Variants in CPAMD8 observed in about 807,000 individuals in gnomAD.
CPAMD8 encodes C3 and PZP like alpha-2-macroglobulin domain containing 8, also known as C3 and PZP-like alpha-2-macroglobulin domain-containing protein 8.
A neutral mutation model predicts 224.7 loss-of-function variants in CPAMD8; 146 were observed. The observed-to-expected ratio is 0.65, with a 90% CI of 0.57 to 0.75. CPAMD8 has a LOEUF of 0.75. CPAMD8 is among the 30% of genes least tolerant of loss of function. The pLI, the probability that CPAMD8 is intolerant of heterozygous loss-of-function variation, is 0.00. For synonymous variants in CPAMD8, 966 were observed against 1,044.6 expected (o/e 0.92, Z 1.45); for missense variants, 2,301 against 2,537.5 (o/e 0.91, Z 2.00).
At chr19:16,906,895 G>A in intron 30 of CPAMD8, 57 bp downstream of exon 30, 1 of 1,483,816 alleles carries the variant, frequency 6.7e-7, no homozygotes. Context: ...TTGTTTACCA[G>A]ACTCCACAGT....
In CPAMD8 at chr19:16,937,766, C is replaced by T. The variant is rs148229262; in HGVS notation, c.2845+629G>A. Among the ~76,000 whole-genome samples the T allele has an allele frequency of 1.4e-3, 215 of 151,664 alleles. 2 individuals carry two copies. The highest frequency in any genetic ancestry group is 6.8e-3 in the Middle Eastern group (2 of 294). On this transcript the variant is annotated intron_variant, in intron 23 of 41. Transcript: ENST00000443236. ...CTCCCCGGTTCAAGTGATTCTCCTG[C>T]CTCAGCCTCCTGAGCAGCTGGGATT... is the stretch of plus-strand genomic sequence containing the variant.
intron 8 of CPAMD8, 144 bp from the exon 9 acceptor site, chr19:17,002,494 G>A (rs2056360392): frequency 1.7e-6 from 1 of 575,108 alleles, no homozygotes; most frequent in Non-Finnish European, 3.2e-6. Flanking sequence ...CCACTCTGCT[G>A]AGCAGCCCTG....
intron 41 of CPAMD8, chr19:16,894,764 G>A (rs1039934784): frequency 2.9e-5 from 8 of 271,934 alleles, no homozygotes; most frequent in Admixed American, 8.2e-5. Flanking sequence ...ACTCCAGGCC[G>A]GGCACAGTGG....
intron 8 of CPAMD8, among the ~76,000 whole-genome samples, chr19:17,003,439 C>T (rs2056394452): frequency 6.6e-6 from 1 of 151,762 alleles, no homozygotes; most frequent in Non-Finnish European, 1.5e-5. Flanking sequence ...CTCAAGCGAT[C>T]CTCCAGCCTC....
At position 16,993,468 on chromosome 19, in the gene CPAMD8, A is replaced by C. The variant is rs1210629049; in HGVS notation, c.1214T>G (p.Val405Gly). Reference protein sequence around the residue: ...TSEVVSQRGLVGFEIPSIPTS... With the variant: ...TSEVVSQRGLGGFEIPSIPTS... The stretch of plus-strand genomic sequence containing the variant: ...GGGGATGGAGGGGATTTCAAACCCC[A>C]CTAGTCCACGCTGGGACACAACTTC... Residue 405 changes from valine (V) to glycine (G), a missense_variant, in exon 12 of 42, where the codon GTG (valine) becomes GGG (glycine). Val to Gly is a moderately radical substitution (Grantham distance 109). Coordinates refer to ENST00000443236, the MANE Select transcript of CPAMD8 (RefSeq NM_015692.5). The C allele has an allele frequency of 1.9e-6, 3 of 1,613,788 alleles. No individual in the cohort carries two copies. The highest frequency in any genetic ancestry group is 1.3e-5 in the African/African-American group (1 of 74,932).
chr19:16,948,868 A>AAAGGGAAGGGAAGGG (rs764171792), intron 20 of CPAMD8, among the ~76,000 whole-genome samples: 13 of 29,086 alleles, frequency 4.5e-4, no homozygotes, highest in Non-Finnish European at 7.2e-4. Flanking sequence ...GAGGGAAAGG[A>AAAGGGAAGGGAAGGG]AAGGGAAGGG....
chr19:16,896,339 G>A lies in CPAMD8; in HGVS notation c.5276-13C>T, dbSNP rs188097675. On this transcript the variant is annotated splice_polypyrimidine_tract_variant and intron_variant, in intron 40 of 41. Transcript: ENST00000443236. ...GGCAGCCGCTGCTCTGGAAGGAAGG[G>A]GGCCTCGGTCGGGAGGGCGTGGCGG... 1.0e-3 allele frequency: 1,611 copies of A among 1,595,808 alleles called. 22 individuals carry two copies. In the African/African-American group the frequency reaches 0.02, roughly 20 times the overall value.
In CPAMD8 at chr19:16,896,259, A is replaced by C; in HGVS notation, c.5343T>G (p.Pro1781=). ...CATTCAGCTTCACGTCCTGCTGTAA[A>C]GGCCCCGGGGCCACAGAAGCCAGGT... ...GDDLASVAPG[P]LQQDVKLNGA... Residue 1781 remains proline (P), a synonymous_variant, in exon 41 of 42, where the codon CCT becomes CCG. Coordinates refer to ENST00000443236, the MANE Select transcript of CPAMD8 (RefSeq NM_015692.5). The C allele has an allele frequency of 6.2e-7, 1 of 1,613,370 alleles. No homozygotes were observed. Among genetic ancestry groups the C allele is most frequent in the African/African-American group, 1.3e-5 (1 of 74,952 alleles).
At chr19:16,895,180 CG>C (rs1249665767) in intron 41 of CPAMD8, 2 of 152,484 alleles carry the variant, frequency 1.3e-5, no homozygotes, top group Non-Finnish European at 2.9e-5. Flanking sequence ...GAGGCCAACG[CG>C]GGTGGATCAC....
intron 7 of CPAMD8, among the ~76,000 whole-genome samples, chr19:17,006,702 T>G (rs1010999702): frequency 6.6e-6 from 1 of 152,058 alleles, no homozygotes; most frequent in Non-Finnish European, 1.5e-5. Context: ...GCCTGGGAGA[T>G]GCTTCCTGGC....
intron 20 of CPAMD8, 76 bp downstream of exon 20, chr19:16,951,893 G>T: frequency 1.1e-6 from 1 of 926,236 alleles, no homozygotes; most frequent in Non-Finnish European, 1.7e-6. Flanking sequence ...TCCCACCCCT[G>T]CCTACCTTAT....
chr19:16,970,263 A>G (rs542289491), intron 18 of CPAMD8, among the ~76,000 whole-genome samples: 12 of 149,224 alleles, frequency 8.0e-5, no homozygotes, highest in Non-Finnish European at 8.9e-5. Context: ...AAAAGAAAGA[A>G]AGAGAGAAAG....
intron 13 of CPAMD8, among the ~76,000 whole-genome samples, chr19:16,984,096 T>C (rs1406882168): frequency 6.6e-6 from 1 of 152,002 alleles, no homozygotes; most frequent in Non-Finnish European, 1.5e-5. Context: ...GACCATTCAA[T>C]GGGGAAAGCA....
Position 16,945,619 on chromosome 19 carries a change from G to A in CPAMD8, c.2723C>T (p.Pro908Leu), listed in dbSNP as rs750284657. The A allele has an allele frequency of 8.1e-6, 13 of 1,614,088 alleles. No individual in the cohort carries two copies. The highest frequency in any genetic ancestry group is 1.1e-5 in the Non-Finnish European group (13 of 1,180,030). ...CCRDGRSSKH[P>L]EENHADRRVP... The stretch of plus-strand genomic sequence containing the variant: ...CCTCCTGTCGGCGTGATTCTCCTCA[G>A]GGTGTTTGCTGGACCTCCCATCCCG... Residue 908 changes from proline to leucine, a missense_variant, in exon 22 of 42, where the codon CCT (proline) becomes CTT (leucine). By Grantham distance (98) the Pro-to-Leu change is moderately conservative. Coordinates refer to ENST00000443236, the MANE Select transcript of CPAMD8 (RefSeq NM_015692.5).
chr19:16,947,773 C>T (rs1010618170), intron 20 of CPAMD8, among the ~76,000 whole-genome samples: 1 of 152,034 alleles, frequency 6.6e-6, no homozygotes, highest in Non-Finnish European at 1.5e-5. Flanking sequence ...TACACATGTG[C>T]ATGCATGCAT....
chr19:17,008,465 T>A, intron 7 of CPAMD8, 40 bp downstream of exon 7: 1 of 1,609,914 alleles, frequency 6.2e-7, no homozygotes, highest in Non-Finnish European at 8.5e-7. Context: ...GGAAGGTTTA[T>A]CACATCTGCA....
At chr19:16,990,745 C>T (rs941558724) in intron 12 of CPAMD8, among the ~76,000 whole-genome samples, 2 of 151,294 alleles carry the variant, frequency 1.3e-5, no homozygotes, top group African/African-American at 4.9e-5. Flanking sequence ...CAACTGTAGT[C>T]CCAGCTACTT....
chr19:16,974,990 A>G, intron 17 of CPAMD8, 107 bp downstream of exon 17: 1 of 1,411,928 alleles, frequency 7.1e-7, no homozygotes, highest in Non-Finnish European at 9.5e-7. Flanking sequence ...AAAGAAAGAA[A>G]AGCTTCCAAT....
chr19:16,894,522 C>T (rs534314900), intron 41 of CPAMD8: 52 of 454,434 alleles, frequency 1.1e-4, no homozygotes, highest in South Asian at 2.6e-4. Context: ...CCCAACTCCA[C>T]GGGGCTCAGG....
Sources: allele counts gnomAD v4.1 joint callset (sites outside exome capture counted in the v4.1 genomes callset), GRCh38; gene constraint gnomAD v4.1.1; transcripts MANE v1.5; gene names NCBI Gene and HGNC (gene_info 2026-07-23, HGNC 2026-07-21).